Variants in SDK1 observed in about 807,000 individuals in gnomAD.
The protein encoded by SDK1 is sidekick cell adhesion molecule 1.
In SDK1, 157 loss-of-function variants were observed where a neutral mutation model predicts 245.5. The observed-to-expected ratio is 0.64, with a 90% confidence interval of 0.56 to 0.73. SDK1 has a LOEUF of 0.73. Ranked by LOEUF, SDK1 falls within the 30% of genes least tolerant of loss-of-function variation. The pLI, the probability that SDK1 is intolerant of heterozygous loss-of-function variation, is 0.00. For missense variants in SDK1, 3,583 were observed against 3,002.3 expected, an observed-to-expected ratio of 1.19 and a Z score of -4.52; for synonymous variants, 1,647 against 1,278.5, an observed-to-expected ratio of 1.29 and a Z score of -6.15.
intron 1 of SDK1, among the ~76,000 whole-genome samples, chr7:3,587,924 A>T (rs1012253772): frequency 6.6e-6 from 1 of 152,240 alleles, no homozygotes; most frequent in Non-Finnish European, 1.5e-5. Context: ...AATGTTCAGT[A>T]AACATGTGTT....
chr7:3,334,927 G>T (rs980869540), intron 1 of SDK1, among the ~76,000 whole-genome samples: 1 of 151,846 alleles, frequency 6.6e-6, no homozygotes, highest in Non-Finnish European at 1.5e-5. Flanking sequence ...TTAATAAGTG[G>T]CTTTATCATT....
Position 4,166,596 on chromosome 7 carries a change from C to A in SDK1, c.4800+4740C>A, listed in dbSNP as rs375449787. Among the ~76,000 whole-genome samples the A allele has an allele frequency of 3.2e-4, 48 of 152,340 alleles. No individual in the cohort carries two copies. The South Asian group carries it at 7.0e-3, about 22-fold the overall frequency. ...GTTGAGCCTCCTGTGCTCTCAGAAC[C>A]ATCAGGACCAAACTCCGGAGAGAAT... On this transcript the variant is annotated intron_variant, in intron 32 of 44. Transcript: ENST00000404826.
intron 10 of SDK1, 139 bp downstream of exon 10, chr7:3,967,573 A>T (rs1782176921): frequency 1.6e-6 from 1 of 639,330 alleles, no homozygotes; most frequent in Non-Finnish European, 2.8e-6. Flanking sequence ...TTATTGCAGC[A>T]GTCCCCAACC....
At chr7:3,822,813 A>G (rs749914183) in intron 5 of SDK1, among the ~76,000 whole-genome samples, 2 of 151,920 alleles carry the variant, frequency 1.3e-5, no homozygotes, top group Non-Finnish European at 2.9e-5. Flanking sequence ...ATGGAGTGAT[A>G]GTATTTGCCT....
chr7:3,451,265 G>C (rs1780505490), intron 1 of SDK1, among the ~76,000 whole-genome samples: 2 of 151,752 alleles, frequency 1.3e-5, no homozygotes, highest in South Asian at 2.1e-4. Flanking sequence ...GACAAGCCCG[G>C]AGTTCCAGGA....
intron 4 of SDK1, among the ~76,000 whole-genome samples, chr7:3,672,231 C>A (rs920778373): frequency 2.6e-5 from 4 of 151,986 alleles, no homozygotes; most frequent in Non-Finnish European, 5.9e-5. Context: ...ATGAAAACAT[C>A]CTCAGAGTGG....
At chr7:3,824,495 G>A (rs372278540) in intron 5 of SDK1, among the ~76,000 whole-genome samples, 5 of 152,108 alleles carry the variant, frequency 3.3e-5, no homozygotes, top group Non-Finnish European at 5.9e-5. Flanking sequence ...GTTTAAAATC[G>A]GAGTGTCATG....
rs1051632326 is a variant in SDK1, at chr7:3,347,221, A to AT, written c.298+45346dup. Among the ~76,000 whole-genome samples, 84 of 151,374 alleles carry AT rather than the reference A, an allele frequency of 5.5e-4. 1 individual carries two copies. The highest frequency in any genetic ancestry group is 1.8e-3 in the African/African-American group (76 of 41,244). On this transcript the variant is annotated intron_variant, in intron 1 of 44. Transcript: ENST00000404826. ...ACTCTTCTCCAGGTGCACAAACCAG[A>AT]TTTTTTTTTATATTCTTTTAGCAAT...
intron 1 of SDK1, among the ~76,000 whole-genome samples, chr7:3,423,482 T>C (rs1779588390): frequency 1.3e-5 from 2 of 152,116 alleles, no homozygotes; most frequent in Non-Finnish European, 2.9e-5. Context: ...ATAGATTTTT[T>C]TGGGGGCAGT....
rs559065786 is a variant in SDK1 at position 3,938,645 on chromosome 7, C to CA, written c.848-12263dup. On this transcript the variant is annotated intron_variant, in intron 5 of 44. Coordinates refer to ENST00000404826, the MANE Select transcript of SDK1 (RefSeq NM_152744.4). ...TGGGCGACAGAGTGAGACTCCGTCT[C>CA]AAAAAAAAAAAAAAAGAGATCCTCA... is the stretch of plus-strand genomic sequence containing the variant. 4.9e-3 allele frequency among the ~76,000 whole-genome samples: 446 copies of CA among 90,398 alleles called. 8 individuals carry two copies. The highest frequency in any genetic ancestry group is 0.013 in the South Asian group (40 of 3,134). 59.3% of individuals were successfully genotyped at this position (90,398 alleles called of 152,430 possible).
At chr7:4,168,495 C>T (rs912955642) in intron 32 of SDK1, among the ~76,000 whole-genome samples, 1 of 152,250 alleles carries the variant, frequency 6.6e-6, no homozygotes, top group East Asian at 1.9e-4. Context: ...TGGGAAACCA[C>T]ACTTGGGCCC....
chr7:3,403,889 TTA>T (rs1241000764), intron 1 of SDK1, among the ~76,000 whole-genome samples: 22 of 130,368 alleles, frequency 1.7e-4, no homozygotes, highest in African/African-American at 6.3e-4. Context: ...TTTATTTATA[TTA>T]TATATATATT....
At chr7:4,036,241 T>C (rs1414795287) in intron 17 of SDK1, among the ~76,000 whole-genome samples, 1 of 152,226 alleles carries the variant, frequency 6.6e-6, no homozygotes, top group Non-Finnish European at 1.5e-5. Context: ...AGAATTCAGA[T>C]AATTAAGTCT....
chr7:3,632,335 C>A (rs141129482), intron 2 of SDK1, among the ~76,000 whole-genome samples: 1 of 152,120 alleles, frequency 6.6e-6, no homozygotes. Context: ...ATCACATAAA[C>A]GGGAATCCCA....
At chr7:3,356,828 C>T (rs530329991) in intron 1 of SDK1, among the ~76,000 whole-genome samples, 1 of 151,930 alleles carries the variant, frequency 6.6e-6, no homozygotes, top group South Asian at 2.1e-4. Context: ...GAGGCCGAGG[C>T]CAGTGGATCA....
chr7:4,042,135 C>G (rs1175014060), intron 17 of SDK1, among the ~76,000 whole-genome samples: 2 of 136,132 alleles, frequency 1.5e-5, no homozygotes, highest in African/African-American at 6.8e-5. Context: ...GTTTGAATGG[C>G]TGTAAACGGT....
intron 32 of SDK1, among the ~76,000 whole-genome samples, chr7:4,170,507 G>T (rs1300719340): frequency 6.6e-6 from 1 of 152,106 alleles, no homozygotes. Context: ...GAGTGGATGT[G>T]CAAGTGTGTG....
intron 34 of SDK1, among the ~76,000 whole-genome samples, chr7:4,177,519 G>C (rs867176373): frequency 1.3e-5 from 2 of 152,118 alleles, no homozygotes; most frequent in African/African-American, 4.8e-5. Flanking sequence ...GGTTACCAGC[G>C]TCCTTCTACA....
chr7:3,756,112 G>A (rs1312735803), intron 4 of SDK1, among the ~76,000 whole-genome samples: 4 of 150,492 alleles, frequency 2.7e-5, no homozygotes, highest in African/African-American at 7.4e-5. Flanking sequence ...GCATATCATT[G>A]ATGTTTTGAA....
Sources: gnomAD v4.1 joint callset for allele counts (sites outside exome capture counted in the v4.1 genomes callset) on GRCh38, gnomAD v4.1.1 for gene constraint, MANE v1.5 for transcripts, NCBI Gene and HGNC (gene_info 2026-07-23, HGNC 2026-07-21) for gene names.